NFILZ: variants seen among roughly 807,000 people sequenced by gnomAD.
NFILZ encodes NFIL3 like basic leucine zipper.
chr19:8,648,661 TACAAACAAAACAAAACAAACAA>T (rs782470838), intron 3 of NFILZ, among the ~76,000 whole-genome samples: 101 of 151,508 alleles, frequency 6.7e-4, no homozygotes, highest in Admixed American at 1.3e-3. Flanking sequence ...CTGTTAAAAA[TACAAACAAAACAAAACAAACAA>T]ACAAACAAAA....
rs1055275333 is a variant in NFILZ at position 8,679,162 on chromosome 19, C to A, written c.*1527C>A. 1.4e-5 allele frequency among the ~76,000 whole-genome samples: 2 copies of A among 144,870 alleles called. No homozygotes were observed. The highest frequency in any genetic ancestry group is 7.0e-5 in the Admixed American group (1 of 14,246). ...CTGCCCCTGAGAACCAGGTATACACCCACCCAGGTGGAAGGGTCCATTCTG... is the reference window on the plus strand; with the variant it reads ...CTGCCCCTGAGAACCAGGTATACACACACCCAGGTGGAAGGGTCCATTCTG... On this transcript the variant is annotated 3_prime_UTR_variant, in exon 6 of 6. Coordinates refer to ENST00000691075, the MANE Select transcript of NFILZ (RefSeq NM_001378600.1).
Position 8,680,549 on chromosome 19 carries a change from G to A in NFILZ, c.*2914G>A, listed in dbSNP as rs1431375089. Among the ~76,000 whole-genome samples the A allele has an allele frequency of 1.3e-5, 2 of 152,072 alleles. No homozygotes were observed. The highest frequency in any genetic ancestry group is 2.9e-5 in the Non-Finnish European group (2 of 68,018). On this transcript the variant is annotated 3_prime_UTR_variant, in exon 6 of 6. Coordinates refer to ENST00000691075, the MANE Select transcript of NFILZ (RefSeq NM_001378600.1). ...CCTATCTTTATGTTCCAGGTACTGG[G>A]GAAAGAGAAGTGAACACAATAGATG... is the stretch of plus-strand genomic sequence containing the variant.
chr19:8,662,453 C>T (rs1219656418), intron 3 of NFILZ, among the ~76,000 whole-genome samples: 1 of 151,798 alleles, frequency 6.6e-6, no homozygotes, highest in East Asian at 1.9e-4. Context: ...GAGGGAACAG[C>T]CTGTGCAAAG....
chr19:8,670,544 G>C (rs536240387), intron 3 of NFILZ, among the ~76,000 whole-genome samples: 17 of 152,378 alleles, frequency 1.1e-4, no homozygotes, highest in African/African-American at 4.1e-4. Context: ...ATACTCAAAA[G>C]GCAGGCGCCA....
chr19:8,647,047 C>T (rs184393919), intron 3 of NFILZ, among the ~76,000 whole-genome samples: 3 of 152,232 alleles, frequency 2.0e-5, no homozygotes, highest in East Asian at 3.9e-4. Context: ...TAGGCAGGTA[C>T]TCCTGCCTTA....
chr19:8,659,593 G>T (rs917836414), intron 3 of NFILZ, among the ~76,000 whole-genome samples: 1 of 152,164 alleles, frequency 6.6e-6, no homozygotes, highest in African/African-American at 2.4e-5. Flanking sequence ...ATCCGTTAAA[G>T]GTTTTAAGCA....
rs1053305725 is a variant in NFILZ at position 8,631,048 on chromosome 19, C to A, written c.-411+304C>A. On this transcript the variant is annotated intron_variant, in intron 1 of 5. Transcript: ENST00000691075. ...ATCTTTTCAGAGCCTTTAATAGACA[C>A]CTGTGCTTTGCACAGCTTTCTCAAA... Among the ~76,000 whole-genome samples, 3 of 152,182 alleles carry A rather than the reference C, an allele frequency of 2.0e-5. No individual in the cohort carries two copies. The South Asian group carries it at 6.2e-4, about 31-fold the overall frequency.
chr19:8,650,453 G>A (rs1400907182), intron 3 of NFILZ, among the ~76,000 whole-genome samples: 1 of 152,004 alleles, frequency 6.6e-6, no homozygotes, highest in Non-Finnish European at 1.5e-5. Flanking sequence ...TCAGGAGTTT[G>A]AGACCAGCCT....
intron 3 of NFILZ, among the ~76,000 whole-genome samples, chr19:8,664,244 C>G (rs1347460431): frequency 6.6e-6 from 1 of 152,160 alleles, no homozygotes; most frequent in Non-Finnish European, 1.5e-5. Context: ...CAAACCTGTG[C>G]CCATTTCACA....
intron 3 of NFILZ, among the ~76,000 whole-genome samples, chr19:8,642,172 T>C (rs1230456933): frequency 6.7e-5 from 6 of 89,072 alleles, no homozygotes; most frequent in Admixed American, 2.1e-4. Flanking sequence ...ACCGTTCTCT[T>C]TTTTTTTTTT....
intron 1 of NFILZ, 137 bp downstream of exon 1, chr19:8,630,881 C>G (rs553899681): frequency 6.6e-6 from 1 of 152,280 alleles, no homozygotes; most frequent in African/African-American, 2.4e-5. Flanking sequence ...AGCTTATTCC[C>G]CCTGCAGCTT....
At chr19:8,652,306 T>C (rs2042968042) in intron 3 of NFILZ, among the ~76,000 whole-genome samples, 1 of 152,100 alleles carries the variant, frequency 6.6e-6, no homozygotes, top group Non-Finnish European at 1.5e-5. Context: ...GGTTTCACCG[T>C]GTTAGCCAGG....
At chr19:8,663,754 G>GTATGTGTGTATGTGTGTA in intron 3 of NFILZ, among the ~76,000 whole-genome samples, 1 of 117,564 alleles carries the variant, frequency 8.5e-6, no homozygotes, top group African/African-American at 4.8e-5. Context: ...GTGTGTGTGT[G>GTATGTGTGTATGTGTGTA]TGTGTGTGTG....
At chr19:8,672,861 G>T (rs540393998) in intron 3 of NFILZ, among the ~76,000 whole-genome samples, 1 of 152,296 alleles carries the variant, frequency 6.6e-6, no homozygotes, top group Non-Finnish European at 1.5e-5. Flanking sequence ...GGTTTTAGGA[G>T]TCTAAGATGC....
At chr19:8,673,404 A>G (rs1411896125) in intron 3 of NFILZ, among the ~76,000 whole-genome samples, 1 of 152,192 alleles carries the variant, frequency 6.6e-6, no homozygotes, top group Non-Finnish European at 1.5e-5. Flanking sequence ...TTGCAAACCC[A>G]GGGCGTCCCG....
At chr19:8,675,177 C>T (rs565741960) in intron 4 of NFILZ, among the ~76,000 whole-genome samples, 1 of 152,294 alleles carries the variant, frequency 6.6e-6, no homozygotes, top group African/African-American at 2.4e-5. Flanking sequence ...TGACAGTCAT[C>T]GGTTTTCAGA....
chr19:8,658,664 T>TATTCATTC (rs112446704), intron 3 of NFILZ, among the ~76,000 whole-genome samples: 50 of 151,098 alleles, frequency 3.3e-4, no homozygotes, highest in South Asian at 3.1e-3. Flanking sequence ...GAGAGGATTC[T>TATTCATTC]ATTCATTCAT....
In NFILZ at chr19:8,667,862, A is replaced by G. The variant is rs117270858; in HGVS notation, c.-163-6689A>G. ...TGCCCTGCCCTCCCATATACTTTAA[A>G]TCATCTCTACATTACTTATGATAAC... is the stretch of plus-strand genomic sequence containing the variant. On this transcript the variant is annotated intron_variant, in intron 3 of 5. Transcript: ENST00000691075. 4.5e-4 allele frequency among the ~76,000 whole-genome samples: 69 copies of G among 152,230 alleles called. No individual in the cohort carries two copies. In the East Asian group the frequency reaches 0.013, roughly 28 times the overall value.
Position 8,678,153 on chromosome 19 carries a change from C to T in NFILZ, c.*518C>T, listed in dbSNP as rs926611104. Among the ~76,000 whole-genome samples the T allele has an allele frequency of 4.2e-3, 42 of 9,958 alleles. No homozygotes were observed. The highest frequency in any genetic ancestry group is 6.2e-3 in the African/African-American group (17 of 2,726). The allele number at this position is 9,958 out of a possible 152,430, so 6.5% of individuals were successfully genotyped here. On this transcript the variant is annotated 3_prime_UTR_variant, in exon 6 of 6. Transcript: ENST00000691075. ...TCCATCCATTCATCCACTTGTCCGTCCATCCATCCATCCATCCATCCATCC... is the reference window on the plus strand; with the variant it reads ...TCCATCCATTCATCCACTTGTCCGTTCATCCATCCATCCATCCATCCATCC...
Sources: gnomAD v4.1 joint callset for allele counts (sites outside exome capture counted in the v4.1 genomes callset) on GRCh38, gnomAD v4.1.1 for gene constraint, MANE v1.5 for transcripts, NCBI Gene and HGNC (gene_info 2026-07-23, HGNC 2026-07-21) for gene names.